The following FAM117B variants were observed in gnomAD, a reference collection of about 807,000 sequenced individuals.
FAM117B encodes the protein protein FAM117B.
Under a neutral mutation model 52.8 loss-of-function variants are expected in FAM117B, and 22 were observed. That is an observed-to-expected ratio of 0.42 (90% confidence interval 0.30 to 0.59). The LOEUF (loss-of-function observed/expected upper bound fraction) is 0.59. Among genes scored for constraint, FAM117B ranks in the 20% least tolerant of loss-of-function variants. The pLI, the probability that FAM117B is intolerant of heterozygous loss-of-function variation, is 0.22. For missense variants in FAM117B, 678 were observed against 802.6 expected (o/e 0.84, Z 1.88); for synonymous variants, 309 against 324.1 (o/e 0.95, Z 0.50).
At chr2:202,745,123 T>TA (rs1246303172) in intron 4 of FAM117B, among the ~76,000 whole-genome samples, 3 of 148,650 alleles carry the variant, frequency 2.0e-5, no homozygotes, top group African/African-American at 7.5e-5. Flanking sequence ...CTACTAAAAA[T>TA]ACAAAAATTA....
intron 1 of FAM117B, among the ~76,000 whole-genome samples, chr2:202,649,092 G>A (rs1279705718): frequency 5.3e-5 from 8 of 152,250 alleles, no homozygotes; most frequent in Admixed American, 4.6e-4. Flanking sequence ...TCAGAAGGGC[G>A]TGCATTTTTC....
intron 1 of FAM117B, among the ~76,000 whole-genome samples, chr2:202,670,605 A>G (rs892380647): frequency 5.3e-5 from 8 of 152,058 alleles, no homozygotes; most frequent in African/African-American, 1.9e-4. Context: ...TAGTGTAGAG[A>G]CTTTGTCTAC....
intron 1 of FAM117B, among the ~76,000 whole-genome samples, chr2:202,695,206 C>T (rs907436722): frequency 4.0e-5 from 6 of 151,600 alleles, no homozygotes; most frequent in South Asian, 2.1e-4. Flanking sequence ...AAAGTTATTG[C>T]GTGTATGAGT....
intron 1 of FAM117B, among the ~76,000 whole-genome samples, chr2:202,659,110 A>G (rs538637942): frequency 6.6e-6 from 1 of 151,890 alleles, no homozygotes; most frequent in South Asian, 2.1e-4. Context: ...GGTTCAAGCG[A>G]TTCTCCTACC....
chr2:202,747,263 A>G (rs1295265315), intron 4 of FAM117B, among the ~76,000 whole-genome samples: 1 of 152,182 alleles, frequency 6.6e-6, no homozygotes, highest in Non-Finnish European at 1.5e-5. Context: ...AATTAGGCAT[A>G]GAAGGAAAAT....
chr2:202,675,440 T>C (rs1690363469), intron 1 of FAM117B, among the ~76,000 whole-genome samples: 2 of 66,826 alleles, frequency 3.0e-5, no homozygotes, highest in African/African-American at 6.7e-5. Flanking sequence ...AGTGAGACCT[T>C]ATCTCAAAAA....
chr2:202,673,289 C>A (rs1690325383), intron 1 of FAM117B, among the ~76,000 whole-genome samples: 1 of 152,078 alleles, frequency 6.6e-6, no homozygotes, highest in African/African-American at 2.4e-5. Flanking sequence ...TTGGTTGTAG[C>A]TGGCTGATTT....
rs1469893060 is a variant in FAM117B, at chr2:202,635,636, T to TGTCGTCGCCCAGCTC, written c.454_468dup (p.Ser152_Ser156dup). The TGTCGTCGCCCAGCTC allele has an allele frequency of 7.6e-7, 1 of 1,323,276 alleles. No homozygotes were observed. The highest frequency in any genetic ancestry group is 9.6e-7 in the Non-Finnish European group (1 of 1,039,522). The allele number at this position is 1,323,276 out of a possible 1,614,324, so 82.0% of individuals were successfully genotyped here. ...CCGCCGCCGCCGCTGCTGGGCACCGTGTCGTCGCCCAGCTCGTCGCCCACC... is the reference window on the plus strand; with the variant it reads ...CCGCCGCCGCCGCTGCTGGGCACCGTGTCGTCGCCCAGCTCGTCGTCGCCCAGCTCGTCGCCCACC... On this transcript the variant is annotated inframe_insertion, in exon 1 of 8. Coordinates refer to ENST00000392238, the MANE Select transcript of FAM117B (RefSeq NM_173511.4).
At chr2:202,729,209 C>G (rs1691302645) in intron 4 of FAM117B, among the ~76,000 whole-genome samples, 1 of 152,112 alleles carries the variant, frequency 6.6e-6, no homozygotes. Context: ...TGGCGGGTGC[C>G]TGTAACCCCA....
At chr2:202,719,542 G>C (rs535069103) in intron 2 of FAM117B, among the ~76,000 whole-genome samples, 1 of 152,056 alleles carries the variant, frequency 6.6e-6, no homozygotes, top group Admixed American at 6.6e-5. Flanking sequence ...TTTGCTAATC[G>C]TTAGTAAGTT....
intron 1 of FAM117B, among the ~76,000 whole-genome samples, chr2:202,644,076 T>TG (rs1488325825): frequency 4.1e-5 from 6 of 146,904 alleles, no homozygotes; most frequent in African/African-American, 1.5e-4. Context: ...TTTTTTTTTT[T>TG]TTTTTTTTCA....
intron 4 of FAM117B, among the ~76,000 whole-genome samples, chr2:202,751,356 G>A (rs1483968005): frequency 6.6e-6 from 1 of 152,168 alleles, no homozygotes; most frequent in Admixed American, 6.5e-5. Context: ...CCACTAAACT[G>A]TATATAGAGT....
intron 2 of FAM117B, among the ~76,000 whole-genome samples, chr2:202,709,473 A>G (rs1205218959): frequency 6.6e-6 from 1 of 152,182 alleles, no homozygotes; most frequent in Non-Finnish European, 1.5e-5. Context: ...AAGTACTGGG[A>G]TTACAGGCGT....
chr2:202,654,410 G>A (rs1056562509), intron 1 of FAM117B, among the ~76,000 whole-genome samples: 1 of 151,982 alleles, frequency 6.6e-6, no homozygotes, highest in African/African-American at 2.4e-5. Flanking sequence ...TTCTTGTCTT[G>A]TAGTTAAACT....
At chr2:202,711,413 C>T (rs1487941486) in intron 2 of FAM117B, among the ~76,000 whole-genome samples, 1 of 151,702 alleles carries the variant, frequency 6.6e-6, no homozygotes, top group Non-Finnish European at 1.5e-5. Context: ...TAGAGTTTTG[C>T]CTATTGAGCT....
At chr2:202,690,787 G>A (rs1690609016) in intron 1 of FAM117B, among the ~76,000 whole-genome samples, 1 of 152,084 alleles carries the variant, frequency 6.6e-6, no homozygotes, top group Non-Finnish European at 1.5e-5. Context: ...TCTTACCGTG[G>A]ATTTCCTTAT....
rs564618020 is a variant in FAM117B, at chr2:202,656,506, T to C, written c.601+20718T>C. On this transcript the variant is annotated intron_variant, in intron 1 of 7. Transcript: ENST00000392238. ...GGTTTTATTCAGTTTTTAAATATTT[T>C]GGGATTTTTCCAGATAGCTTTCTTG... Among the ~76,000 whole-genome samples, 10 of 152,338 alleles carry C rather than the reference T, an allele frequency of 6.6e-5. No individual in the cohort carries two copies. The East Asian group carries it at 1.5e-3, about 23-fold the overall frequency.
chr2:202,724,193 G>A (rs1024110710), intron 2 of FAM117B, among the ~76,000 whole-genome samples: 8 of 151,540 alleles, frequency 5.3e-5, no homozygotes, highest in African/African-American at 1.9e-4. Flanking sequence ...GAGTAGCTGG[G>A]ATTACAAGCA....
chr2:202,756,093 A>G (rs908784398), intron 5 of FAM117B, among the ~76,000 whole-genome samples: 2 of 152,182 alleles, frequency 1.3e-5, no homozygotes, highest in Non-Finnish European at 2.9e-5. Context: ...TTTGGTTGAC[A>G]TGCTAGGCTA....
Sources: allele counts gnomAD v4.1 joint callset (sites outside exome capture counted in the v4.1 genomes callset), GRCh38; gene constraint gnomAD v4.1.1; transcripts MANE v1.5; gene names NCBI Gene and HGNC (gene_info 2026-07-23, HGNC 2026-07-21).